CCDC178: variants seen among roughly 807,000 people sequenced by gnomAD.
CCDC178 encodes the protein coiled-coil domain-containing protein 178.
Under a neutral mutation model 117.4 loss-of-function variants are expected in CCDC178, and 126 were observed. The ratio of observed to expected loss-of-function variants is 1.07; its 90% confidence interval spans 0.93 to 1.24. The LOEUF is 1.24. CCDC178 is among the 50% of genes most tolerant of loss of function. The pLI is 0.00. For missense variants in CCDC178, 1,030 were observed against 986.9 expected (o/e 1.04, Z -0.59); for synonymous variants, 283 against 313.4 (o/e 0.90, Z 1.02).
At chr18:32,941,295 T>C (rs981767779) in intron 22 of CCDC178, among the ~76,000 whole-genome samples, 10 of 152,082 alleles carry the variant, frequency 6.6e-5, no homozygotes, top group African/African-American at 2.4e-4. Flanking sequence ...ATATACTTTA[T>C]TTTTTAAGTA....
chr18:33,002,863 G>A (rs1018853108), intron 21 of CCDC178, among the ~76,000 whole-genome samples: 2 of 151,950 alleles, frequency 1.3e-5, no homozygotes, highest in East Asian at 3.9e-4. Flanking sequence ...TAACACCATA[G>A]AAATTCAAAG....
At chr18:33,413,530 GA>G (rs5823896) in intron 2 of CCDC178, among the ~76,000 whole-genome samples, 2 of 150,726 alleles carry the variant, frequency 1.3e-5, no homozygotes, top group Non-Finnish European at 3.0e-5. Flanking sequence ...TGGGTAAATT[GA>G]AAAAAAAATG....
At chr18:33,008,886 CAA>C (rs1362921291) in intron 21 of CCDC178, among the ~76,000 whole-genome samples, 1 of 152,088 alleles carries the variant, frequency 6.6e-6, no homozygotes, top group Non-Finnish European at 1.5e-5. Flanking sequence ...TGTTTATCAA[CAA>C]ACTACCTGAC....
At chr18:33,203,518 C>T (rs2059015964) in intron 20 of CCDC178, among the ~76,000 whole-genome samples, 1 of 152,010 alleles carries the variant, frequency 6.6e-6, no homozygotes. Flanking sequence ...ATAATGACTT[C>T]ATTATCTTAT....
chr18:33,370,394 T>A (rs2063281829), intron 5 of CCDC178, among the ~76,000 whole-genome samples: 1 of 151,908 alleles, frequency 6.6e-6, no homozygotes, highest in Non-Finnish European at 1.5e-5. Flanking sequence ...ATGATTTAAT[T>A]CTGTAACAAA....
At chr18:33,149,387 T>C (rs921770713) in intron 20 of CCDC178, among the ~76,000 whole-genome samples, 2 of 152,202 alleles carry the variant, frequency 1.3e-5, no homozygotes, top group South Asian at 4.1e-4. Flanking sequence ...ATCACCCATC[T>C]CAGAATGTGG....
chr18:33,318,174 G>A (rs868084002), intron 11 of CCDC178, among the ~76,000 whole-genome samples: 3 of 152,158 alleles, frequency 2.0e-5, no homozygotes, highest in Admixed American at 1.3e-4. Context: ...GTTGAGTTGT[G>A]AGCCATGTTA....
chr18:33,109,501 A>T (rs913957536), intron 20 of CCDC178, among the ~76,000 whole-genome samples: 1 of 151,606 alleles, frequency 6.6e-6, no homozygotes, highest in Non-Finnish European at 1.5e-5. Flanking sequence ...GATCTTTTAA[A>T]AACTTTATTC....
At chr18:33,360,881 T>A (rs2063115920) in intron 6 of CCDC178, among the ~76,000 whole-genome samples, 1 of 151,650 alleles carries the variant, frequency 6.6e-6, no homozygotes, top group Non-Finnish European at 1.5e-5. Flanking sequence ...TGTTTACAAA[T>A]GGGAAGAATT....
At chr18:33,400,063 A>G (rs1015727565) in intron 3 of CCDC178, among the ~76,000 whole-genome samples, 3 of 150,998 alleles carry the variant, frequency 2.0e-5, no homozygotes, top group East Asian at 3.9e-4. Context: ...TCTTGGATGT[A>G]TATGTTGTCA....
rs190100437 is a variant in CCDC178, at chr18:33,092,652, G to A, written c.2388+109C>T. 17 of 630,440 alleles carry A rather than the reference G, an allele frequency of 2.7e-5. No individual in the cohort carries two copies. In the East Asian group the frequency reaches 3.8e-4, roughly 14 times the overall value. The allele number at this position is 630,440 out of a possible 1,614,324, so 39.1% of individuals were successfully genotyped here. A position where few individuals can be genotyped will look rare whatever the true frequency, so the allele number is the denominator to read the frequency against. On this transcript the variant is annotated intron_variant, in intron 21 of 22. Transcript: ENST00000383096. ...AAACTACACAGAGAAAATAGGCCAT[G>A]TTGTGGATATCATCGTCAGATCAGA...
At chr18:33,186,288 A>ATG (rs369964008) in intron 20 of CCDC178, among the ~76,000 whole-genome samples, 165 of 151,762 alleles carry the variant, frequency 1.1e-3, no homozygotes, top group African/African-American at 3.7e-3. Context: ...AAGAGTGTGT[A>ATG]TGTGTGTGTG....
intron 2 of CCDC178, among the ~76,000 whole-genome samples, chr18:33,425,743 T>C (rs183585567): frequency 2.5e-4 from 38 of 152,214 alleles, no homozygotes; most frequent in Non-Finnish European, 5.1e-4. Context: ...TCTACTAACA[T>C]GGCTGCCCTC....
At chr18:33,199,173 G>T (rs926089388) in intron 20 of CCDC178, among the ~76,000 whole-genome samples, 1 of 151,488 alleles carries the variant, frequency 6.6e-6, no homozygotes, top group Non-Finnish European at 1.5e-5. Flanking sequence ...TACTTTATTA[G>T]GGACCCATAT....
chr18:33,198,528 A>G (rs1356091465), intron 20 of CCDC178, among the ~76,000 whole-genome samples: 1 of 152,184 alleles, frequency 6.6e-6, no homozygotes, highest in Non-Finnish European at 1.5e-5. Flanking sequence ...TATTTAAAGG[A>G]AGGTGGACAG....
Position 33,183,308 on chromosome 18 carries a change from T to G in CCDC178, c.2238+28588A>C, listed in dbSNP as rs2058752320. Among the ~76,000 whole-genome samples the G allele has an allele frequency of 2.6e-5, 4 of 152,050 alleles. No individual in the cohort carries two copies. The South Asian group carries it at 8.3e-4, about 31-fold the overall frequency. ...TGTTGCGCCAAGATGCCTGGCGGAT[T>G]AAGCTCCATTGCCTTTTCTTGTTTT... On this transcript the variant is annotated intron_variant, in intron 20 of 22. Transcript: ENST00000383096.
rs749170940 is a variant in CCDC178, at chr18:33,092,748, G to C, written c.2388+13C>G. 6.6e-7 allele frequency: 1 copy of C among 1,519,026 alleles called. No individual in the cohort carries two copies. The highest frequency in any genetic ancestry group is 2.3e-5 in the East Asian group (1 of 43,638). 94.1% of individuals were successfully genotyped at this position (1,519,026 alleles called of 1,614,324 possible). On this transcript the variant is annotated intron_variant, in intron 21 of 22. Transcript: ENST00000383096. ...ATAAATCATCACCTTAAAACAATTAGAAAAACCAATACCTGTTTCTTATCT... is the reference window on the plus strand; with the variant it reads ...ATAAATCATCACCTTAAAACAATTACAAAAACCAATACCTGTTTCTTATCT...
At chr18:33,302,613 C>T (rs544682204) in intron 11 of CCDC178, among the ~76,000 whole-genome samples, 1 of 152,248 alleles carries the variant, frequency 6.6e-6, no homozygotes, top group East Asian at 1.9e-4. Flanking sequence ...TGGAATCAAC[C>T]TAGGTGTCCC....
chr18:33,405,950 T>C (rs1347433486), intron 3 of CCDC178, among the ~76,000 whole-genome samples: 16 of 151,950 alleles, frequency 1.1e-4, no homozygotes, highest in Non-Finnish European at 2.4e-4. Flanking sequence ...ACTATATAAG[T>C]ATAAGCCAGG....
Sources: allele counts gnomAD v4.1 joint callset (sites outside exome capture counted in the v4.1 genomes callset), GRCh38; gene constraint gnomAD v4.1.1; transcripts MANE v1.5; gene names NCBI Gene and HGNC (gene_info 2026-07-23, HGNC 2026-07-21).